TRIM67: variants seen among roughly 807,000 people sequenced by gnomAD.
TRIM67 encodes the protein tripartite motif-containing protein 67.
Under a neutral mutation model 71.0 loss-of-function variants are expected in TRIM67, and 39 were observed. That is an observed-to-expected ratio of 0.55 (90% CI 0.43 to 0.72). The LOEUF (loss-of-function observed/expected upper bound fraction) is 0.72, where lower values mean the gene tolerates loss of function less well. Among genes scored for constraint, TRIM67 ranks in the 30% least tolerant of loss-of-function variants. The probability of loss-of-function intolerance (pLI) is 0.00; values close to 1 mark genes in which losing one functional copy is unlikely to be tolerated. For synonymous variants in TRIM67, 481 were observed against 473.9 expected (o/e 1.01, Z -0.19); for missense variants, 973 against 1,079.2 (o/e 0.90, Z 1.38).
chr1:231,165,645 C>A (rs1175352601), intron 1 of TRIM67, among the ~76,000 whole-genome samples: 2 of 152,120 alleles, frequency 1.3e-5, no homozygotes, highest in Non-Finnish European at 2.9e-5. Context: ...AGAATTGTTG[C>A]CTTGAATTAG....
intron 1 of TRIM67, chr1:231,184,091 A>G (rs371863774): frequency 7.2e-5 from 11 of 152,324 alleles, no homozygotes; most frequent in African/African-American, 2.6e-4. Flanking sequence ...AATCCACTGA[A>G]AAGGAATGTT....
chr1:231,217,131 C>G lies in TRIM67; in HGVS notation c.*1691C>G, dbSNP rs1477336290. ...GTACCCCCCCTCCACTCAGCAGGCCCGACAATCCTACCTCAAAGCTCATGC... is the reference window on the plus strand; with the variant it reads ...GTACCCCCCCTCCACTCAGCAGGCCGGACAATCCTACCTCAAAGCTCATGC... On this transcript the variant is annotated 3_prime_UTR_variant, in exon 10 of 10. Transcript: ENST00000366653. The G allele has an allele frequency of 2.0e-6, 2 of 985,870 alleles. No individual in the cohort carries two copies. Among genetic ancestry groups the G allele is most frequent in the Non-Finnish European group, 2.4e-6 (2 of 829,980 alleles). 61.1% of individuals were successfully genotyped at this position (985,870 alleles called of 1,614,324 possible).
Position 231,219,570 on chromosome 1 carries a change from T to G in TRIM67, c.*4130T>G. On this transcript the variant is annotated 3_prime_UTR_variant, in exon 10 of 10. Transcript: ENST00000366653. ...TGCCAACCTGTTGGGTCTTGAATTT[T>G]CACTCACTGAAGATGCCCCCTGCCC... 1.8e-6 allele frequency: 2 copies of G among 1,102,756 alleles called. No individual in the cohort carries two copies. The highest frequency in any genetic ancestry group is 2.2e-6 in the Non-Finnish European group (2 of 899,306). 68.3% of individuals were successfully genotyped at this position (1,102,756 alleles called of 1,614,324 possible). A position where few individuals can be genotyped will look rare whatever the true frequency, so the allele number is the denominator to read the frequency against.
At chr1:231,170,217 C>T (rs148452655) in intron 1 of TRIM67, among the ~76,000 whole-genome samples, 113 of 152,180 alleles carry the variant, frequency 7.4e-4, no homozygotes, top group Middle Eastern at 3.4e-3. Context: ...AACTCCCAAC[C>T]TCAGGTGATC....
Position 231,215,929 on chromosome 1 carries a change from G to A in TRIM67, c.*489G>A. The A allele has an allele frequency of 2.0e-6, 2 of 988,648 alleles. No individual in the cohort carries two copies. Among genetic ancestry groups the A allele is most frequent in the South Asian group, 4.7e-5 (1 of 21,326 alleles). The allele number at this position is 988,648 out of a possible 1,614,324, so 61.2% of individuals were successfully genotyped here. On this transcript the variant is annotated 3_prime_UTR_variant, in exon 10 of 10. Coordinates refer to ENST00000366653, the MANE Select transcript of TRIM67 (RefSeq NM_001004342.5). ...CGAGATTGCAGATTCTCATCATGCT[G>A]AGAAAGTTATCTTTTAGCTTCTTGG...
At chr1:231,202,113 G>GGGGAAGAGGAGGAGGTGGTGGCTGAGA (rs1683553180) in intron 5 of TRIM67, among the ~76,000 whole-genome samples, 1 of 1,774 alleles carries the variant, frequency 5.6e-4, no homozygotes, top group Admixed American at 8.5e-3. Flanking sequence ...GGAGGAGGAG[G>GGGGAAGAGGAGGAGGTGGTGGCTGAGA]TAATGGTGGA....
intron 1 of TRIM67, among the ~76,000 whole-genome samples, chr1:231,169,979 T>C (rs1386294047): frequency 2.0e-5 from 3 of 151,412 alleles, no homozygotes; most frequent in African/African-American, 7.3e-5. Context: ...TTTAAAATGT[T>C]TTTTTCTTTC....
intron 1 of TRIM67, 33 bp downstream of exon 1, chr1:231,164,046 A>G (rs2102707901): frequency 6.8e-7 from 1 of 1,466,362 alleles, no homozygotes; most frequent in Non-Finnish European, 9.1e-7. Context: ...TGCAGGTGCC[A>G]GGGAAGAGGG....
At chr1:231,206,580 C>T in intron 6 of TRIM67, 72 bp from the exon 7 acceptor site, 1 of 1,427,554 alleles carries the variant, frequency 7.0e-7, no homozygotes, top group Non-Finnish European at 9.3e-7. Context: ...CAATGTGTTT[C>T]CAGAAGCCAT....
At position 231,162,540 on chromosome 1, in the gene TRIM67, A is replaced by G. The variant is rs538420027; in HGVS notation, c.-430A>G. 51 of 186,396 alleles carry G rather than the reference A, an allele frequency of 2.7e-4. No homozygotes were observed. Among genetic ancestry groups the G allele is most frequent in the Non-Finnish European group, 2.3e-4 (21 of 90,754 alleles). 11.5% of individuals were successfully genotyped at this position (186,396 alleles called of 1,614,324 possible). On this transcript the variant is annotated 5_prime_UTR_variant, in exon 1 of 10. Transcript: ENST00000366653. The stretch of plus-strand genomic sequence containing the variant: ...CGGGGCAGAAGGGGGGCCTCGGGGT[A>G]GCCGCCCACCGGAGCCAGGGGCTGA...
chr1:231,210,560 A>G (rs1683839404), intron 8 of TRIM67, among the ~76,000 whole-genome samples: 1 of 151,214 alleles, frequency 6.6e-6, no homozygotes, highest in Admixed American at 6.6e-5. Flanking sequence ...GTCCAGGCCC[A>G]TCAGCTCCGT....
intron 1 of TRIM67, chr1:231,184,911 T>G: frequency 2.0e-6 from 2 of 1,022,692 alleles, no homozygotes; most frequent in Non-Finnish European, 2.8e-6. Flanking sequence ...TCACGTAAAA[T>G]TAGGGTTTGA....
At chr1:231,169,062 T>A (rs201076987) in intron 1 of TRIM67, among the ~76,000 whole-genome samples, 2 of 129,602 alleles carry the variant, frequency 1.5e-5, no homozygotes, top group African/African-American at 5.8e-5. Flanking sequence ...TATTTTTTTT[T>A]ATTTTTATTT....
At chr1:231,164,794 CA>C (rs1458051055) in intron 1 of TRIM67, among the ~76,000 whole-genome samples, 1 of 152,034 alleles carries the variant, frequency 6.6e-6, no homozygotes, top group Admixed American at 6.6e-5. Context: ...TGGAAATAAG[CA>C]AAAAGGTGAG....
In TRIM67 at chr1:231,216,207, C is replaced by G. The variant is rs1165703345; in HGVS notation, c.*767C>G. On this transcript the variant is annotated 3_prime_UTR_variant, in exon 10 of 10. Coordinates refer to ENST00000366653, the MANE Select transcript of TRIM67 (RefSeq NM_001004342.5). ...TTCCCTCCTTTGCTCTCTCTTTCTT[C>G]CTTTCCTCCTTCTCTCTTACTTTCC... is the stretch of plus-strand genomic sequence containing the variant. 6.3e-6 allele frequency: 6 copies of G among 955,306 alleles called. No individual in the cohort carries two copies. The highest frequency in any genetic ancestry group is 6.2e-6 in the Non-Finnish European group (5 of 803,174). 59.2% of individuals were successfully genotyped at this position (955,306 alleles called of 1,614,324 possible). A position where few individuals can be genotyped will look rare whatever the true frequency, so the allele number is the denominator to read the frequency against.
chr1:231,207,965 C>G (rs1458675518), intron 7 of TRIM67, among the ~76,000 whole-genome samples: 3 of 151,718 alleles, frequency 2.0e-5, no homozygotes, highest in Non-Finnish European at 4.4e-5. Context: ...TGTCTCAAAT[C>G]TCCCACCCAT....
chr1:231,212,428 G>T (rs1558308646), intron 8 of TRIM67, among the ~76,000 whole-genome samples: 1 of 152,242 alleles, frequency 6.6e-6, no homozygotes, highest in Non-Finnish European at 1.5e-5. Flanking sequence ...CCTTACGGAA[G>T]GGGGTTAGGT....
Position 231,209,068 on chromosome 1 carries a change from C to T in TRIM67, c.1941C>T (p.Ser647=). ...TGGTGCTGGGCACAGCTGCGTTCTC[C>T]AAGGGCGTGCACTACTGGGAGCTGC... is the stretch of plus-strand genomic sequence containing the variant. ...DRVVLGTAAF[S]KGVHYWELHV... The change falls in exon 8 of 10, where the codon TCC becomes TCT. Residue 647 remains serine, a synonymous_variant. Coordinates refer to ENST00000366653, the MANE Select transcript of TRIM67 (RefSeq NM_001004342.5). This position sits in a 1 kb window ranked among gnomAD's most constrained non-coding sequence, Gnocchi z 4.1. 1 of 1,613,968 alleles carries T rather than the reference C, an allele frequency of 6.2e-7. No individual in the cohort carries two copies. Among genetic ancestry groups the T allele is most frequent in the Non-Finnish European group, 8.5e-7 (1 of 1,179,872 alleles).
rs150023157 is a variant in TRIM67, at chr1:231,214,143, G to A, written c.2286+166G>A. Among the ~76,000 whole-genome samples, 12 of 152,304 alleles carry A rather than the reference G, an allele frequency of 7.9e-5. No individual in the cohort carries two copies. The East Asian group carries it at 9.7e-4, about 12-fold the overall frequency. ...CTTGGACATTTCCTGGAGGCGTTCC[G>A]TTCTAACCTGTTCACTTGGGACACC... On this transcript the variant is annotated intron_variant, in intron 9 of 9. Transcript: ENST00000366653.
Sources: allele counts gnomAD v4.1 joint callset (sites outside exome capture counted in the v4.1 genomes callset), GRCh38; gene constraint gnomAD v4.1.1; non-coding constraint Gnocchi (gnomAD v3.1); transcripts MANE v1.5; gene names NCBI Gene and HGNC (gene_info 2026-07-23, HGNC 2026-07-21).